BNC2: variants seen among roughly 807,000 people sequenced by gnomAD.
BNC2 encodes the protein basonuclin zinc finger protein 2.
In BNC2, 20 loss-of-function variants were observed where a neutral mutation model predicts 76.3. The ratio of observed to expected loss-of-function variants is 0.26; its 90% CI spans 0.18 to 0.38. BNC2 has a LOEUF of 0.38. Among genes scored for constraint, BNC2 ranks in the 10% least tolerant of loss-of-function variants. BNC2 has a pLI of 1.00. For missense variants in BNC2, 1,382 were observed against 1,399.8 expected, an observed-to-expected ratio of 0.99 and a Z score of 0.20; for synonymous variants, 582 against 514.8, an observed-to-expected ratio of 1.13 and a Z score of -1.77.
At chr9:16,536,441 T>A (rs905832003) in intron 5 of BNC2, among the ~76,000 whole-genome samples, 1 of 152,222 alleles carries the variant, frequency 6.6e-6, no homozygotes, top group Admixed American at 6.5e-5. Context: ...AGCTGAGGTA[T>A]GTGAGTTTTT....
At chr9:16,644,669 GACAGTTAAC>G (rs1821576082) in intron 3 of BNC2, among the ~76,000 whole-genome samples, 1 of 152,148 alleles carries the variant, frequency 6.6e-6, no homozygotes, top group Admixed American at 6.5e-5. Context: ...AGTGGCATAA[GACAGTTAAC>G]ACAGTGTCAG....
chr9:16,419,479 G>T lies in BNC2; in HGVS notation c.2810C>A (p.Ser937Tyr). 2 of 1,614,136 alleles carry T rather than the reference G, an allele frequency of 1.2e-6. No homozygotes were observed. The highest frequency in any genetic ancestry group is 2.7e-5 in the African/African-American group (2 of 75,072). The change falls in exon 7 of 7, where the codon TCT becomes TAT. Residue 937 changes from serine (S) to tyrosine (Y), a missense_variant. Ser to Tyr is a moderately radical substitution (Grantham distance 144). Coordinates refer to ENST00000380672, the MANE Select transcript of BNC2 (RefSeq NM_017637.6). ...MGLDVREDAS[S>Y]PAGTEDSHLN... Reference sequence around the variant, plus strand: ...GTGGGAGTCTTCAGTCCCTGCGGGAGAGGAGGCGTCTTCCCTGACATCGAG... The same window carrying T: ...GTGGGAGTCTTCAGTCCCTGCGGGATAGGAGGCGTCTTCCCTGACATCGAG...
intron 6 of BNC2, among the ~76,000 whole-genome samples, chr9:16,424,614 T>C (rs2119192345): frequency 6.6e-6 from 1 of 152,230 alleles, no homozygotes; most frequent in South Asian, 2.1e-4. Context: ...TGCATGCCTA[T>C]TTGTCTGTAT....
At chr9:16,540,485 T>C (rs1485887539) in intron 5 of BNC2, among the ~76,000 whole-genome samples, 2 of 152,182 alleles carry the variant, frequency 1.3e-5, no homozygotes, top group African/African-American at 4.8e-5. Context: ...GGTCTCTATA[T>C]CTAAAACTTT....
intron 1 of BNC2, among the ~76,000 whole-genome samples, chr9:16,860,044 C>T (rs917781379): frequency 1.3e-5 from 2 of 151,830 alleles, no homozygotes; most frequent in Non-Finnish European, 2.9e-5. Context: ...ATTGCTTGAA[C>T]CAGGGAGGTG....
intron 3 of BNC2, among the ~76,000 whole-genome samples, chr9:16,697,450 G>A (rs1268131425): frequency 6.6e-6 from 1 of 152,080 alleles, no homozygotes; most frequent in African/African-American, 2.4e-5. Context: ...GGCAGGGCAC[G>A]GTGGCTCACG....
At chr9:16,790,333 T>C (rs1448119210) in intron 1 of BNC2, among the ~76,000 whole-genome samples, 1 of 152,240 alleles carries the variant, frequency 6.6e-6, no homozygotes, top group African/African-American at 2.4e-5. Flanking sequence ...AATATTATGA[T>C]TGTTCTATGA....
At chr9:16,510,415 A>G (rs1318955249) in intron 5 of BNC2, among the ~76,000 whole-genome samples, 1 of 152,208 alleles carries the variant, frequency 6.6e-6, no homozygotes, top group Non-Finnish European at 1.5e-5. Flanking sequence ...TAATAAAATT[A>G]GGATATAAAA....
rs1388545835 is a variant in BNC2 at position 16,675,969 on chromosome 9, G to A, written c.330+51828C>T. Among the ~76,000 whole-genome samples the A allele has an allele frequency of 4.6e-5, 7 of 152,118 alleles. No individual in the cohort carries two copies. In the East Asian group the frequency reaches 9.7e-4, roughly 21 times the overall value. ...AATCCCAGCTACTCAGGAGGCTGAG[G>A]CAGGAGAATCTCTTGAACCCGGGAG... is the stretch of plus-strand genomic sequence containing the variant. On this transcript the variant is annotated intron_variant, in intron 3 of 6. Coordinates refer to ENST00000380672, the MANE Select transcript of BNC2 (RefSeq NM_017637.6).
At chr9:16,570,169 A>G (rs1373015442) in intron 4 of BNC2, among the ~76,000 whole-genome samples, 1 of 152,228 alleles carries the variant, frequency 6.6e-6, no homozygotes, top group African/African-American at 2.4e-5. Flanking sequence ...AGGCATATTT[A>G]CTATTTGATA....
chr9:16,577,558 G>A (rs938260323), intron 4 of BNC2, among the ~76,000 whole-genome samples: 1 of 152,016 alleles, frequency 6.6e-6, no homozygotes, highest in African/African-American at 2.4e-5. Context: ...ACTGACTGAT[G>A]ATCTGGATGA....
chr9:16,764,671 A>G (rs991410148), intron 1 of BNC2, among the ~76,000 whole-genome samples: 1 of 151,880 alleles, frequency 6.6e-6, no homozygotes, highest in Non-Finnish European at 1.5e-5. Flanking sequence ...CTAATATAAC[A>G]TTTTAACCCA....
intron 3 of BNC2, among the ~76,000 whole-genome samples, chr9:16,688,262 G>A (rs1245141606): frequency 6.6e-6 from 1 of 152,116 alleles, no homozygotes; most frequent in Non-Finnish European, 1.5e-5. Context: ...TACTAAGGAA[G>A]ATACAAAAGA....
chr9:16,722,906 A>G (rs1051546002), intron 3 of BNC2, among the ~76,000 whole-genome samples: 1 of 152,246 alleles, frequency 6.6e-6, no homozygotes, highest in Non-Finnish European at 1.5e-5. Context: ...ACCTGTCTCT[A>G]TGCTACAATT....
intron 1 of BNC2, among the ~76,000 whole-genome samples, chr9:16,781,532 G>A (rs1190621454): frequency 2.0e-5 from 3 of 152,132 alleles, no homozygotes; most frequent in Admixed American, 6.6e-5. Context: ...TAGTAGAGAC[G>A]GGGTTTCGTT....
At chr9:16,512,250 G>A (rs1251415861) in intron 5 of BNC2, among the ~76,000 whole-genome samples, 8 of 152,076 alleles carry the variant, frequency 5.3e-5, no homozygotes, top group African/African-American at 1.9e-4. Flanking sequence ...TCAAATAGAA[G>A]GACTGAGTAC....
intron 1 of BNC2, among the ~76,000 whole-genome samples, chr9:16,828,422 T>C (rs895883669): frequency 1.3e-5 from 2 of 152,162 alleles, no homozygotes; most frequent in Admixed American, 1.3e-4. Context: ...GAAATGAATA[T>C]AAAATTAATA....
At chr9:16,750,791 T>C (rs943979199) in intron 1 of BNC2, among the ~76,000 whole-genome samples, 4 of 152,248 alleles carry the variant, frequency 2.6e-5, no homozygotes, top group African/African-American at 9.6e-5. Context: ...CACCACTATA[T>C]TCCTACCATG....
intron 3 of BNC2, among the ~76,000 whole-genome samples, chr9:16,709,597 T>C (rs181151308): frequency 6.6e-6 from 1 of 152,342 alleles, no homozygotes; most frequent in East Asian, 1.9e-4. Flanking sequence ...GGACTATTTC[T>C]TTCTCAAGAA....
Sources: allele counts gnomAD v4.1 joint callset (sites outside exome capture counted in the v4.1 genomes callset), GRCh38; gene constraint gnomAD v4.1.1; transcripts MANE v1.5; gene names NCBI Gene and HGNC (gene_info 2026-07-23, HGNC 2026-07-21).